The following TPM4 variants were observed in gnomAD, a reference collection of about 807,000 sequenced individuals.
TPM4 encodes tropomyosin 4.
TPM4 carries 17 observed loss-of-function variants against 35.8 expected under a neutral mutation model. The observed-to-expected ratio is 0.47, with a 90% CI of 0.32 to 0.71. TPM4 has a LOEUF of 0.71. TPM4 is among the 30% of genes least tolerant of loss of function. TPM4 has a pLI of 0.03. For missense variants in TPM4, 240 were observed against 320.9 expected (o/e 0.75, Z 1.93); for synonymous variants, 120 against 122.9 (o/e 0.98, Z 0.15).
chr19:16,078,773 C>G (rs1055886), intron 1 of TPM4, among the ~76,000 whole-genome samples: 65,970 of 149,690 alleles, frequency 0.44, 14,830 homozygotes, highest in East Asian at 0.72. Flanking sequence ...TGCTTCTTTC[C>G]GTCTGGGAGA....
At chr19:16,079,316 C>T (rs936663165) in intron 1 of TPM4, among the ~76,000 whole-genome samples, 4 of 152,072 alleles carry the variant, frequency 2.6e-5, no homozygotes, top group South Asian at 2.1e-4. Context: ...TTGTCTTTGG[C>T]GGGTTATGAA....
At chr19:16,091,474 G>A (rs1251293490) in intron 5 of TPM4, among the ~76,000 whole-genome samples, 2 of 152,134 alleles carry the variant, frequency 1.3e-5, no homozygotes, top group Non-Finnish European at 2.9e-5. Context: ...CCAAGGAGGC[G>A]ACATTTAAAA....
chr19:16,086,280 G>T (rs1166558950), intron 2 of TPM4, 143 bp from the exon 3 acceptor site: 3 of 650,620 alleles, frequency 4.6e-6, no homozygotes, highest in Admixed American at 4.9e-5. Flanking sequence ...AACCCGGGAG[G>T]TGGAGGTTGC....
rs35095689 is a variant in TPM4, at chr19:16,093,952, CTTTTTTTT to C, written c.664+214_664+221del. Among the ~76,000 whole-genome samples the C allele has an allele frequency of 3.7e-5, 4 of 108,792 alleles. No homozygotes were observed. The East Asian group carries it at 1.3e-3, about 34-fold the overall frequency. The allele number at this position is 108,792 out of a possible 152,430, so 71.4% of individuals were successfully genotyped here. On this transcript the variant is annotated intron_variant, in intron 7 of 7. Transcript: ENST00000643579. ...GCAAAGCATTCAGGCTTGAATGGCC[CTTTTTTTT>C]TTTTTTTTTTTTTTCTATGAGACGG...
At chr19:16,098,944 G>A (rs192735793) in intron 7 of TPM4, among the ~76,000 whole-genome samples, 1 of 152,286 alleles carries the variant, frequency 6.6e-6, no homozygotes, top group East Asian at 1.9e-4. Context: ...AGGATTAAAT[G>A]AGATAATGGA....
chr19:16,086,829 T>C (rs1323707553), intron 3 of TPM4, among the ~76,000 whole-genome samples: 2 of 152,022 alleles, frequency 1.3e-5, no homozygotes, highest in African/African-American at 4.8e-5. Context: ...AGGATTGTGG[T>C]CCCAAGCCAT....
chr19:16,095,412 A>G, intron 7 of TPM4: 1 of 1,029,962 alleles, frequency 9.7e-7, no homozygotes, highest in Non-Finnish European at 1.2e-6. Context: ...GTGGGCTTCT[A>G]GGAGCTCCGG....
upstream of TPM4, among the ~76,000 whole-genome samples, chr19:16,071,601 T>G (rs2090357322): frequency 6.6e-6 from 1 of 152,176 alleles, no homozygotes; most frequent in Admixed American, 6.5e-5. Context: ...GGTGTGGAAC[T>G]CAAGATCCCA....
chr19:16,093,847 T>C (rs991915060), intron 7 of TPM4, 94 bp downstream of exon 7: 13 of 1,443,124 alleles, frequency 9.0e-6, no homozygotes, highest in Non-Finnish European at 1.3e-5. Context: ...AGGGGCTGGG[T>C]TGGGCTTTGT....
At chr19:16,078,498 C>T (rs905438229) in intron 1 of TPM4, among the ~76,000 whole-genome samples, 2 of 152,316 alleles carry the variant, frequency 1.3e-5, no homozygotes, top group South Asian at 4.1e-4. Context: ...CCTGTAAGGG[C>T]TGCTTTGGCC....
intron 2 of TPM4, among the ~76,000 whole-genome samples, chr19:16,084,324 G>A (rs932369772): frequency 6.6e-6 from 1 of 152,222 alleles, no homozygotes; most frequent in African/African-American, 2.4e-5. Context: ...CCAAGTAGTG[G>A]AACAGCCAGG....
intron 7 of TPM4, among the ~76,000 whole-genome samples, chr19:16,098,882 G>A (rs1172129633): frequency 2.0e-5 from 3 of 152,088 alleles, no homozygotes; most frequent in Non-Finnish European, 2.9e-5. Flanking sequence ...CCATGCCAAC[G>A]TGAACAAGCT....
intron 7 of TPM4, among the ~76,000 whole-genome samples, chr19:16,097,423 C>T (rs1040978809): frequency 6.6e-6 from 1 of 151,924 alleles, no homozygotes; most frequent in African/African-American, 2.4e-5. Context: ...TACAGGCATG[C>T]GCCACCATGC....
intron 1 of TPM4, chr19:16,079,844 C>T (rs373702655): frequency 1.1e-4 from 20 of 175,956 alleles, no homozygotes; most frequent in East Asian, 1.1e-3. Context: ...GGATTACAGG[C>T]GCCTGCCCCC....
chr19:16,070,182 G>C lies in TPM4; in HGVS notation c.114+2444G>C, dbSNP rs935615820. On this transcript the variant is annotated intron_variant, in intron 2 of 2. Coordinates refer to the TPM4 transcript ENST00000589897. This position sits in a 1 kb window ranked among gnomAD's most constrained non-coding sequence, Gnocchi z 7.4. ...CCCGTGGTGGACGGAGGAGAGGGAG[G>C]CCATTTCCCATCTCCTGGCAGCCAA... Among the ~76,000 whole-genome samples the C allele has an allele frequency of 3.3e-5, 5 of 152,122 alleles. No individual in the cohort carries two copies. The highest frequency in any genetic ancestry group is 1.2e-4 in the African/African-American group (5 of 41,416).
chr19:16,098,086 G>A (rs1023734616), intron 7 of TPM4, among the ~76,000 whole-genome samples: 2 of 152,150 alleles, frequency 1.3e-5, no homozygotes, highest in South Asian at 2.1e-4. Flanking sequence ...ACCCTTTGAA[G>A]TAACTATGCA....
intron 2 of TPM4, among the ~76,000 whole-genome samples, chr19:16,069,339 TTG>T (rs2090328844): frequency 6.7e-6 from 1 of 149,280 alleles, no homozygotes; most frequent in Non-Finnish European, 1.5e-5. Flanking sequence ...GTGTGTATGG[TTG>T]TGTGTTTCTA....
intron 7 of TPM4, among the ~76,000 whole-genome samples, chr19:16,096,174 C>T (rs1473872652): frequency 6.6e-6 from 1 of 152,148 alleles, no homozygotes; most frequent in Non-Finnish European, 1.5e-5. Flanking sequence ...TGTGATCCGC[C>T]TGCCTTGGCC....
In TPM4 at chr19:16,102,013, T is replaced by C. The variant is rs2144970480; in HGVS notation, c.*667T>C. On this transcript the variant is annotated 3_prime_UTR_variant, in exon 8 of 8. Coordinates refer to ENST00000643579, the MANE Select transcript of TPM4 (RefSeq NM_003290.3). Reference sequence around the variant, plus strand: ...ATAGTAATTAATAGATGGTAATTAATTGATCCTTGATGTGATGTTCTTTTG... The same window carrying C: ...ATAGTAATTAATAGATGGTAATTAACTGATCCTTGATGTGATGTTCTTTTG... 3 of 213,692 alleles carry C rather than the reference T, an allele frequency of 1.4e-5. No individual in the cohort carries two copies. The highest frequency in any genetic ancestry group is 2.8e-5 in the Non-Finnish European group (3 of 105,834). 13.2% of individuals were successfully genotyped at this position (213,692 alleles called of 1,614,324 possible).
Sources: allele counts gnomAD v4.1 joint callset (sites outside exome capture counted in the v4.1 genomes callset), GRCh38; gene constraint gnomAD v4.1.1; non-coding constraint Gnocchi (gnomAD v3.1); transcripts MANE v1.5; gene names NCBI Gene and HGNC (gene_info 2026-07-23, HGNC 2026-07-21).